ASIC2: variants seen among roughly 807,000 people sequenced by gnomAD.
ASIC2 encodes acid sensing ion channel subunit 2.
Under a neutral mutation model 57.3 loss-of-function variants are expected in ASIC2, and 25 were observed. The ratio of observed to expected loss-of-function variants is 0.44; its 90% CI spans 0.32 to 0.61. The LOEUF is 0.61. ASIC2 is among the 20% of genes least tolerant of loss of function. ASIC2 has a pLI of 0.06. For synonymous variants in ASIC2, 319 were observed against 307.5 expected, an observed-to-expected ratio of 1.04 and a Z score of -0.39; for missense variants, 641 against 738.1, an observed-to-expected ratio of 0.87 and a Z score of 1.52.
intron 1 of ASIC2, among the ~76,000 whole-genome samples, chr17:33,575,227 T>C (rs1916580635): frequency 6.6e-6 from 1 of 152,226 alleles, no homozygotes; most frequent in African/African-American, 2.4e-5. Flanking sequence ...ACTCCTTGTT[T>C]TCCTCATATG....
chr17:33,345,490 G>T (rs757640146), intron 1 of ASIC2, among the ~76,000 whole-genome samples: 17 of 152,178 alleles, frequency 1.1e-4, no homozygotes, highest in Non-Finnish European at 2.2e-4. Flanking sequence ...AGACAATATG[G>T]AGCAGAGATT....
intron 1 of ASIC2, among the ~76,000 whole-genome samples, chr17:34,135,614 C>A (rs769783790): frequency 1.4e-4 from 22 of 152,288 alleles, no homozygotes; most frequent in Admixed American, 3.3e-4. Context: ...AGACTTAAAT[C>A]TTCCCTTTAC....
intron 1 of ASIC2, among the ~76,000 whole-genome samples, chr17:33,253,949 G>T (rs1010019808): frequency 6.6e-6 from 1 of 152,124 alleles, no homozygotes; most frequent in Non-Finnish European, 1.5e-5. Context: ...TAATTTTGTG[G>T]GTTCCCAGGA....
intron 1 of ASIC2, among the ~76,000 whole-genome samples, chr17:33,781,717 G>A (rs769926667): frequency 3.3e-5 from 5 of 152,038 alleles, no homozygotes; most frequent in South Asian, 2.1e-4. Context: ...TTCCCCCACC[G>A]CTGACAGTCT....
intron 1 of ASIC2, among the ~76,000 whole-genome samples, chr17:33,521,169 A>G (rs9914954): frequency 0.45 from 68,963 of 152,044 alleles, 17,448 homozygotes; most frequent in Non-Finnish European, 0.56. Flanking sequence ...CTGGGTCCAC[A>G]CAGCACTTTG....
chr17:33,282,534 G>C (rs1482720316), intron 1 of ASIC2, among the ~76,000 whole-genome samples: 1 of 151,828 alleles, frequency 6.6e-6, no homozygotes, highest in Non-Finnish European at 1.5e-5. Context: ...GAGTGTAGTG[G>C]TACAATCTTG....
chr17:33,050,886 G>T (rs1567727086), intron 3 of ASIC2, among the ~76,000 whole-genome samples: 1 of 152,118 alleles, frequency 6.6e-6, no homozygotes, highest in Non-Finnish European at 1.5e-5. Context: ...GCTTTGCATA[G>T]ATTAGGTATG....
intron 1 of ASIC2, among the ~76,000 whole-genome samples, chr17:33,471,598 G>A (rs191842326): frequency 1.3e-5 from 2 of 152,108 alleles, no homozygotes; most frequent in Non-Finnish European, 2.9e-5. Flanking sequence ...CAGTGCAGAG[G>A]GGGGAGTAAT....
intron 3 of ASIC2, among the ~76,000 whole-genome samples, chr17:33,043,133 G>A (rs2091936386): frequency 6.6e-6 from 1 of 152,162 alleles, no homozygotes; most frequent in Non-Finnish European, 1.5e-5. Flanking sequence ...CACCGTGTTA[G>A]CCAGAATGGC....
chr17:33,323,671 G>T (rs1178624974), intron 1 of ASIC2, among the ~76,000 whole-genome samples: 1 of 152,168 alleles, frequency 6.6e-6, no homozygotes, highest in Non-Finnish European at 1.5e-5. Flanking sequence ...CCAAGATTGT[G>T]CCACTGCACT....
intron 1 of ASIC2, among the ~76,000 whole-genome samples, chr17:33,343,106 G>A (rs1228525775): frequency 6.6e-6 from 1 of 152,214 alleles, no homozygotes; most frequent in Non-Finnish European, 1.5e-5. Context: ...ATTCCAAATT[G>A]TAGCAGGAGA....
intron 1 of ASIC2, among the ~76,000 whole-genome samples, chr17:33,698,405 T>C (rs933599740): frequency 2.0e-5 from 3 of 152,236 alleles, no homozygotes; most frequent in African/African-American, 7.2e-5. Flanking sequence ...CTTAGAACAG[T>C]GTCTGGCACA....
chr17:33,352,624 C>T (rs527539943), intron 1 of ASIC2, among the ~76,000 whole-genome samples: 28 of 152,282 alleles, frequency 1.8e-4, no homozygotes, highest in African/African-American at 6.5e-4. Flanking sequence ...CCAAACCACC[C>T]TCCCAACTTT....
chr17:34,051,900 G>C (rs1193369719), intron 1 of ASIC2, among the ~76,000 whole-genome samples: 2 of 146,814 alleles, frequency 1.4e-5, no homozygotes, highest in African/African-American at 5.2e-5. Context: ...GCGAGAGAGT[G>C]AGTTTTTTCC....
chr17:33,485,664 C>T (rs1336468686), intron 1 of ASIC2, among the ~76,000 whole-genome samples: 4 of 152,198 alleles, frequency 2.6e-5, no homozygotes, highest in African/African-American at 7.2e-5. Context: ...TCTCCAATTG[C>T]TGCCTTCTTG....
chr17:33,939,693 G>T lies in ASIC2; in HGVS notation c.555+216285C>A, dbSNP rs970301529. On this transcript the variant is annotated intron_variant, in intron 1 of 9. Coordinates refer to the ASIC2 transcript ENST00000359872. ...TCCAGGGCTGGGATGAAGTACCACA[G>T]GATGGTGAGCAGGCAGCTGGAACCA... 3.9e-5 allele frequency among the ~76,000 whole-genome samples: 6 copies of T among 152,216 alleles called. No individual in the cohort carries two copies. The South Asian group carries it at 1.2e-3, about 32-fold the overall frequency.
At chr17:33,496,162 G>T (rs1179530279) in intron 1 of ASIC2, among the ~76,000 whole-genome samples, 1 of 152,186 alleles carries the variant, frequency 6.6e-6, no homozygotes, top group Non-Finnish European at 1.5e-5. Flanking sequence ...AAAGGCAGAA[G>T]AACAGAAAGC....
intron 1 of ASIC2, among the ~76,000 whole-genome samples, chr17:33,535,516 T>G (rs1444678853): frequency 6.6e-6 from 1 of 152,010 alleles, no homozygotes; most frequent in African/African-American, 2.4e-5. Context: ...GCCCTCATGA[T>G]CTGCCCGTCT....
chr17:33,905,575 G>C (rs1915330604), intron 1 of ASIC2, among the ~76,000 whole-genome samples: 1 of 152,200 alleles, frequency 6.6e-6, no homozygotes, highest in Admixed American at 6.5e-5. Context: ...AATATGCAAA[G>C]TAGGGATGCT....
Sources: allele counts gnomAD v4.1 joint callset (sites outside exome capture counted in the v4.1 genomes callset), GRCh38; gene constraint gnomAD v4.1.1; transcripts MANE v1.5; gene names NCBI Gene and HGNC (gene_info 2026-07-23, HGNC 2026-07-21).